AFF2: variants seen among roughly 807,000 people sequenced by gnomAD.
AFF2 encodes ALF transcription elongation factor 2, also known as AF4/FMR2 family member 2.
In AFF2, 14 loss-of-function variants were observed where a neutral mutation model predicts 76.9. The ratio of observed to expected loss-of-function variants is 0.18; its 90% CI spans 0.12 to 0.28. The LOEUF (loss-of-function observed/expected upper bound fraction) is 0.28. Among genes scored for constraint, AFF2 ranks in the 10% least tolerant of loss-of-function variants. The pLI, the probability that AFF2 is intolerant of heterozygous loss-of-function variation, is 1.00. For synonymous variants in AFF2, 398 were observed against 366.7 expected (o/e 1.09, Z -0.98); for missense variants, 868 against 1,001.1 (o/e 0.87, Z 1.79).
chrX:148,517,508 T>TG (rs1237929608), intron 1 of AFF2, among the ~76,000 whole-genome samples: 1 of 111,923 alleles, frequency 8.9e-6, no homozygotes, highest in Non-Finnish European at 1.9e-5. Context: ...AATGATTTTT[T>TG]GTGTCTAGTA....
chrX:148,936,624 A>G (rs2071778446), intron 9 of AFF2, among the ~76,000 whole-genome samples: 1 of 112,402 alleles, frequency 8.9e-6, no homozygotes, highest in Non-Finnish European at 1.9e-5. Flanking sequence ...ATCATTCCCT[A>G]TGCCTCCAAC....
chrX:148,752,165 A>G (rs893872885), intron 3 of AFF2, among the ~76,000 whole-genome samples: 4 of 111,668 alleles, frequency 3.6e-5, no homozygotes, highest in African/African-American at 1.3e-4. Flanking sequence ...AATTTGGGGG[A>G]ATGTAAACAT....
Position 148,604,983 on chromosome X carries a change from G to A in AFF2, c.48-47016G>A, listed in dbSNP as rs782204899. On this transcript the variant is annotated intron_variant, in intron 1 of 20. Transcript: ENST00000370460. ...GGAACTATCCTTTAGAGAAAAATAA[G>A]TTTTCAAAAATCACAAGTATTTACT... 3.8e-3 allele frequency among the ~76,000 whole-genome samples: 427 copies of A among 111,827 alleles called. 2 individuals are homozygous for A. The highest frequency in any genetic ancestry group is 6.3e-3 in the Non-Finnish European group (332 of 53,058).
chrX:148,971,747 C>CTTTTTTTTTTTTTTTTTTTTTG (rs2072257860), intron 15 of AFF2, among the ~76,000 whole-genome samples: 1 of 44,731 alleles, frequency 2.2e-5, no homozygotes, highest in Non-Finnish European at 3.8e-5. Context: ...TTTTCTATTT[C>CTTTTTTTTTTTTTTTTTTTTTG]TTTTTTTTTT....
intron 3 of AFF2, among the ~76,000 whole-genome samples, chrX:148,776,431 C>T (rs1353614666): frequency 8.9e-6 from 1 of 112,002 alleles, no homozygotes; most frequent in Non-Finnish European, 1.9e-5. Context: ...TGAGGAATCG[C>T]CACACTGTCT....
intron 15 of AFF2, among the ~76,000 whole-genome samples, chrX:148,971,638 A>T (rs1428564075): frequency 2.7e-5 from 3 of 109,735 alleles, no homozygotes; most frequent in African/African-American, 1.0e-4. Context: ...AGAAAATTGA[A>T]GGCAGGGTCC....
chrX:148,843,750 T>C lies in AFF2; in HGVS notation c.1262+317T>C, dbSNP rs111676363. ...TATCTTGTGAGGGACCATTTCCTCA[T>C]AGAAAGCTGTTTTCTTACTCTAATC... On this transcript the variant is annotated intron_variant, in intron 7 of 20. Coordinates refer to ENST00000370460, the MANE Select transcript of AFF2 (RefSeq NM_002025.4). Among the ~76,000 whole-genome samples the C allele has an allele frequency of 6.5e-3, 718 of 111,247 alleles. 8 individuals are homozygous for C. Among genetic ancestry groups the C allele is most frequent in the African/African-American group, 0.022 (672 of 30,609 alleles).
chrX:148,845,300 A>G (rs1419563266), intron 7 of AFF2, among the ~76,000 whole-genome samples: 1 of 112,505 alleles, frequency 8.9e-6, no homozygotes, highest in Non-Finnish European at 1.9e-5. Context: ...CATAGAATGC[A>G]ATGTTTCAGT....
intron 1 of AFF2, among the ~76,000 whole-genome samples, chrX:148,543,388 G>GCCAGT (rs2052882705): frequency 9.0e-6 from 1 of 111,401 alleles, no homozygotes; most frequent in South Asian, 3.8e-4. Flanking sequence ...CCTACCCTGT[G>GCCAGT]CCAGTAACTG....
At chrX:148,953,450 C>A in intron 9 of AFF2, 130 bp from the exon 10 acceptor site, 1 of 720,942 alleles carries the variant, frequency 1.4e-6, no homozygotes, top group South Asian at 3.3e-5. Context: ...CGTTTCCTAT[C>A]TATAAAATGG....
At chrX:148,706,541 A>G (rs2054886620) in intron 3 of AFF2, among the ~76,000 whole-genome samples, 1 of 112,644 alleles carries the variant, frequency 8.9e-6, no homozygotes, top group Admixed American at 9.4e-5. Context: ...GAGTTGTCCC[A>G]GATACATTTA....
At chrX:148,924,082 G>C (rs2071624594) in intron 9 of AFF2, among the ~76,000 whole-genome samples, 1 of 111,929 alleles carries the variant, frequency 8.9e-6, no homozygotes, top group African/African-American at 3.2e-5. Context: ...AATAACAATG[G>C]AAATGATCAC....
At chrX:148,534,585 G>A (rs1483370131) in intron 1 of AFF2, among the ~76,000 whole-genome samples, 2 of 111,930 alleles carry the variant, frequency 1.8e-5, no homozygotes, top group Non-Finnish European at 3.8e-5. Flanking sequence ...CTGTGAAATC[G>A]TGAAAATAAC....
intron 3 of AFF2, among the ~76,000 whole-genome samples, chrX:148,760,960 T>C (rs1369996694): frequency 8.9e-6 from 1 of 112,058 alleles, no homozygotes; most frequent in African/African-American, 3.2e-5. Flanking sequence ...TCTTCTGCAT[T>C]GGGCTCTTTC....
intron 1 of AFF2, among the ~76,000 whole-genome samples, chrX:148,637,360 G>A (rs782470764): frequency 1.8e-5 from 2 of 112,232 alleles, no homozygotes; most frequent in South Asian, 3.7e-4. Flanking sequence ...TAGAAAAGGG[G>A]AGATAATTAA....
Position 148,676,338 on chromosome X carries a change from G to A in AFF2, c.1041+13570G>A, listed in dbSNP as rs782202980. Among the ~76,000 whole-genome samples, 6 of 111,755 alleles carry A rather than the reference G, an allele frequency of 5.4e-5. No individual in the cohort carries two copies. In the South Asian group the frequency reaches 1.5e-3, roughly 28 times the overall value. On this transcript the variant is annotated intron_variant, in intron 3 of 20. Transcript: ENST00000370460. ...TGGGATTACAGGCATGAGCCACCAC[G>A]CCCGGCCCGTGATTTTTTTAAACTC... is the stretch of plus-strand genomic sequence containing the variant.
intron 2 of AFF2, among the ~76,000 whole-genome samples, chrX:148,660,463 A>T (rs782190790): frequency 8.9e-6 from 1 of 112,054 alleles, no homozygotes; most frequent in African/African-American, 3.2e-5. Flanking sequence ...ATCTTCACAT[A>T]CAAAGGAAAA....
intron 16 of AFF2, among the ~76,000 whole-genome samples, chrX:148,975,186 T>C (rs782625632): frequency 4.5e-5 from 5 of 110,775 alleles, no homozygotes; most frequent in Non-Finnish European, 9.5e-5. Flanking sequence ...GGGAAAGCCA[T>C]ACAAATGAGT....
intron 3 of AFF2, among the ~76,000 whole-genome samples, chrX:148,713,136 G>T (rs781818378): frequency 9.0e-6 from 1 of 111,060 alleles, no homozygotes; most frequent in Non-Finnish European, 1.9e-5. Flanking sequence ...ATATAAAGAG[G>T]CCATAGAGGC....
Sources: gnomAD v4.1 joint callset for allele counts (sites outside exome capture counted in the v4.1 genomes callset) on GRCh38, gnomAD v4.1.1 for gene constraint, MANE v1.5 for transcripts, NCBI Gene and HGNC (gene_info 2026-07-23, HGNC 2026-07-21) for gene names.